PLEK2: variants seen among roughly 807,000 people sequenced by gnomAD.
PLEK2 encodes pleckstrin 2, also known as pleckstrin-2.
PLEK2 carries 29 observed loss-of-function variants against 43.8 expected under a neutral mutation model. That is an observed-to-expected ratio of 0.66 (90% CI 0.49 to 0.90). PLEK2 has a LOEUF of 0.90. Ranked by LOEUF, PLEK2 falls within the 40% of genes least tolerant of loss-of-function variation. The probability of loss-of-function intolerance (pLI) is 0.00; values close to 1 mark genes in which losing one functional copy is unlikely to be tolerated. For missense variants in PLEK2, 398 were observed against 448.1 expected (o/e 0.89, Z 1.01); for synonymous variants, 162 against 173.2 (o/e 0.94, Z 0.51).
intron 1 of PLEK2, among the ~76,000 whole-genome samples, chr14:67,400,940 T>C (rs1039802333): frequency 1.3e-5 from 2 of 151,056 alleles, no homozygotes; most frequent in Non-Finnish European, 3.0e-5. Flanking sequence ...TAGTGAGCTA[T>C]GATCACACCA....
chr14:67,389,738 T>C (rs2085953292), intron 7 of PLEK2, among the ~76,000 whole-genome samples: 1 of 151,826 alleles, frequency 6.6e-6, no homozygotes, highest in Non-Finnish European at 1.5e-5. Context: ...GGCTAGACCA[T>C]GGTGAGAGTT....
chr14:67,396,799 A>G (rs1275249326), intron 2 of PLEK2, among the ~76,000 whole-genome samples: 4 of 152,242 alleles, frequency 2.6e-5, no homozygotes, highest in Non-Finnish European at 5.9e-5. Flanking sequence ...TGGAATGCCA[A>G]ATATTTTTCA....
chr14:67,401,299 C>T (rs2086046922), intron 1 of PLEK2, among the ~76,000 whole-genome samples: 2 of 151,984 alleles, frequency 1.3e-5, no homozygotes, highest in Non-Finnish European at 2.9e-5. Context: ...CCAGCCTCAG[C>T]AACATAGGAA....
At chr14:67,390,178 T>G (rs770375611) in intron 7 of PLEK2, among the ~76,000 whole-genome samples, 17 of 152,228 alleles carry the variant, frequency 1.1e-4, no homozygotes, top group Non-Finnish European at 2.1e-4. Flanking sequence ...TTTTTTAATT[T>G]GCCATCAAAG....
At chr14:67,406,995 C>T (rs1595661046) in intron 1 of PLEK2, among the ~76,000 whole-genome samples, 1 of 152,234 alleles carries the variant, frequency 6.6e-6, no homozygotes, top group South Asian at 2.1e-4. Flanking sequence ...CTTGGAGTTC[C>T]CTGGATCCCT....
intron 7 of PLEK2, 62 bp from the exon 8 acceptor site, chr14:67,388,364 C>T (rs889825589): frequency 2.7e-5 from 26 of 957,218 alleles, no homozygotes; most frequent in Non-Finnish European, 4.3e-5. Flanking sequence ...GAGTTGCACT[C>T]CCCTTACAAC....
chr14:67,408,029 T>G (rs565925937), intron 1 of PLEK2, among the ~76,000 whole-genome samples: 1 of 152,236 alleles, frequency 6.6e-6, no homozygotes, highest in African/African-American at 2.4e-5. Flanking sequence ...GGCTTACACC[T>G]GTAATCCCAG....
chr14:67,410,274 T>G lies in PLEK2; in HGVS notation c.42+1744A>C, dbSNP rs2086108341. ...AGGAACAGGAGAAGGCCTCCAAAACTCCCAAAGCTCTATCAGAAGGATCTG... is the reference window on the plus strand; with the variant it reads ...AGGAACAGGAGAAGGCCTCCAAAACGCCCAAAGCTCTATCAGAAGGATCTG... On this transcript the variant is annotated intron_variant, in intron 1 of 8. Transcript: ENST00000216446. Among the ~76,000 whole-genome samples, 15 of 151,934 alleles carry G rather than the reference T, an allele frequency of 9.9e-5. No individual in the cohort carries two copies. The South Asian group carries it at 3.1e-3, about 32-fold the overall frequency.
intron 8 of PLEK2, 126 bp from the exon 9 acceptor site, chr14:67,387,582 GT>G (rs1013057044): frequency 2.3e-5 from 23 of 1,010,462 alleles, no homozygotes; most frequent in African/African-American, 3.4e-5. Context: ...TAAATAAAAG[GT>G]TTACAGTTAG....
Position 67,390,592 on chromosome 14 carries a change from G to A in PLEK2, c.855+71C>T, listed in dbSNP as rs577232452. ...AGGCAGGATATCCAGCCAGCTGCCC[G>A]CCATGCCAGGAGAGGAGTGTCTGGG... is the stretch of plus-strand genomic sequence containing the variant. On this transcript the variant is annotated intron_variant, in intron 7 of 8. Transcript: ENST00000216446. 7.3e-5 allele frequency: 79 copies of A among 1,081,666 alleles called. No homozygotes were observed. In the African/African-American group the frequency reaches 8.5e-4, roughly 12 times the overall value. 67.0% of individuals were successfully genotyped at this position (1,081,666 alleles called of 1,614,324 possible).
chr14:67,410,608 G>A (rs964235033), intron 1 of PLEK2, among the ~76,000 whole-genome samples: 14 of 152,148 alleles, frequency 9.2e-5, no homozygotes, highest in Non-Finnish European at 2.1e-4. Flanking sequence ...AACAGCCACC[G>A]CTCTCCTGTA....
intron 1 of PLEK2, among the ~76,000 whole-genome samples, chr14:67,403,455 G>T (rs2086061104): frequency 6.6e-6 from 1 of 152,162 alleles, no homozygotes. Context: ...GGGTGTTTTT[G>T]TCTGACTGTA....
chr14:67,406,413 T>C (rs2086079309), intron 1 of PLEK2, among the ~76,000 whole-genome samples: 1 of 152,098 alleles, frequency 6.6e-6, no homozygotes. Context: ...TCAGTCTTCC[T>C]GGTTGTGTGG....
At chr14:67,411,145 A>G (rs957846798) in intron 1 of PLEK2, among the ~76,000 whole-genome samples, 6 of 151,542 alleles carry the variant, frequency 4.0e-5, no homozygotes, top group Non-Finnish European at 1.5e-5. Context: ...TCAAAAAAAA[A>G]AAAAAAAAAA....
chr14:67,410,627 C>T (rs996669309), intron 1 of PLEK2, among the ~76,000 whole-genome samples: 4 of 152,160 alleles, frequency 2.6e-5, no homozygotes, highest in South Asian at 2.1e-4. Flanking sequence ...TACCAAATAA[C>T]GTGCAACATC....
chr14:67,390,428 C>T (rs1005693223), intron 7 of PLEK2, among the ~76,000 whole-genome samples: 6 of 152,112 alleles, frequency 3.9e-5, no homozygotes, highest in African/African-American at 1.4e-4. Context: ...GATAAAGATG[C>T]CCTCCCATGG....
chr14:67,397,877 G>A (rs765138796), intron 1 of PLEK2, 51 bp from the exon 2 acceptor site: 3 of 1,490,824 alleles, frequency 2.0e-6, no homozygotes, highest in African/African-American at 2.8e-5. Context: ...GGGAGGGTAT[G>A]GTGTTCAGGG....
At chr14:67,411,021 C>A (rs2086111635) in intron 1 of PLEK2, among the ~76,000 whole-genome samples, 1 of 151,678 alleles carries the variant, frequency 6.6e-6, no homozygotes, top group Non-Finnish European at 1.5e-5. Context: ...GTAGTGGATA[C>A]CTGTAGTCCC....
At chr14:67,388,365 C>G (rs2085942342) in intron 7 of PLEK2, 63 bp from the exon 8 acceptor site, 1 of 958,360 alleles carries the variant, frequency 1.0e-6, no homozygotes, top group South Asian at 1.3e-5. Context: ...AGTTGCACTC[C>G]CCTTACAACT....
Sources: allele counts gnomAD v4.1 joint callset (sites outside exome capture counted in the v4.1 genomes callset), GRCh38; gene constraint gnomAD v4.1.1; transcripts MANE v1.5; gene names NCBI Gene and HGNC (gene_info 2026-07-23, HGNC 2026-07-21).